Variants in FGF18 observed in about 807,000 individuals in gnomAD.
FGF18 encodes fibroblast growth factor 18.
Under a neutral mutation model 23.0 loss-of-function variants are expected in FGF18, and 5 were observed. The ratio of observed to expected loss-of-function variants is 0.22; its 90% CI spans 0.11 to 0.46. FGF18 has a LOEUF of 0.46. Among genes scored for constraint, FGF18 ranks in the 20% least tolerant of loss-of-function variants. FGF18 has a pLI of 0.99. For missense variants in FGF18, 180 were observed against 291.6 expected, an observed-to-expected ratio of 0.62 and a Z score of 2.79; for synonymous variants, 117 against 118.9, an observed-to-expected ratio of 0.98 and a Z score of 0.10.
chr5:171,456,956 T>G lies in FGF18; in HGVS notation c.*151T>G. The stretch of plus-strand genomic sequence containing the variant: ...AAGACAAAAACTGAACCAAAACTCT[T>G]GGGGGGAGGGGTGATAAGGATTTTA... On this transcript the variant is annotated 3_prime_UTR_variant, in exon 5 of 5. Transcript: ENST00000274625. The surrounding 1 kb of genome is among the most constrained non-coding windows in gnomAD (Gnocchi z 6.1). 1.0e-6 allele frequency: 1 copy of G among 976,690 alleles called. No homozygotes were observed. The highest frequency in any genetic ancestry group is 1.5e-6 in the Non-Finnish European group (1 of 681,916). The allele number at this position is 976,690 out of a possible 1,614,324, so 60.5% of individuals were successfully genotyped here. A position where few individuals can be genotyped will look rare whatever the true frequency, so the allele number is the denominator to read the frequency against.
At chr5:171,442,071 C>G (rs1772354314) in intron 3 of FGF18, among the ~76,000 whole-genome samples, 1 of 152,168 alleles carries the variant, frequency 6.6e-6, no homozygotes, top group African/African-American at 2.4e-5. Flanking sequence ...TCATGTCCCA[C>G]AACTTCTGTC....
intron 2 of FGF18, 136 bp downstream of exon 2, chr5:171,420,579 C>G: frequency 1.2e-6 from 1 of 832,424 alleles, no homozygotes; most frequent in Non-Finnish European, 1.9e-6. Flanking sequence ...TCCCAGGGCG[C>G]GGAAGGGCGG....
At chr5:171,431,166 G>A (rs889142866) in intron 2 of FGF18, among the ~76,000 whole-genome samples, 3 of 152,216 alleles carry the variant, frequency 2.0e-5, no homozygotes, top group Admixed American at 6.5e-5. Flanking sequence ...GGATGCTCTG[G>A]TGTGAGGTGG....
chr5:171,444,168 C>T (rs965448003), intron 3 of FGF18, among the ~76,000 whole-genome samples: 5 of 152,186 alleles, frequency 3.3e-5, no homozygotes, highest in African/African-American at 7.2e-5. Flanking sequence ...TCCCCATCCA[C>T]TAACTTCTGC....
At chr5:171,422,483 G>A (rs930548587) in intron 2 of FGF18, among the ~76,000 whole-genome samples, 3 of 152,144 alleles carry the variant, frequency 2.0e-5, no homozygotes, top group Non-Finnish European at 2.9e-5. Flanking sequence ...CACAAAAATG[G>A]TGCTCAAATG....
chr5:171,436,051 G>C lies in FGF18; in HGVS notation c.70-42G>C. On this transcript the variant is annotated intron_variant, in intron 2 of 4. Transcript: ENST00000274625. The surrounding 1 kb of genome is among the most constrained non-coding windows in gnomAD (Gnocchi z 4.4). ...GCTGGCTCCTGCATGCAGTGGGCCTGGGACATCTGGGGTGGCTTACTGTGT... is the reference window on the plus strand; with the variant it reads ...GCTGGCTCCTGCATGCAGTGGGCCTCGGACATCTGGGGTGGCTTACTGTGT... 1.4e-6 allele frequency: 2 copies of C among 1,445,378 alleles called. No individual in the cohort carries two copies. Among genetic ancestry groups the C allele is most frequent in the Non-Finnish European group, 1.8e-6 (2 of 1,089,636 alleles). 89.5% of individuals were successfully genotyped at this position (1,445,378 alleles called of 1,614,324 possible).
At chr5:171,432,839 C>T (rs1376531304) in intron 2 of FGF18, among the ~76,000 whole-genome samples, 1 of 152,218 alleles carries the variant, frequency 6.6e-6, no homozygotes, top group Non-Finnish European at 1.5e-5. Flanking sequence ...TCCAGATTTC[C>T]CTCACTTTTG....
rs1771982655 is a variant in FGF18 at position 171,420,247 on chromosome 5, C to G, written c.32+16C>G. 1 of 1,585,762 alleles carries G rather than the reference C, an allele frequency of 6.3e-7. No individual in the cohort carries two copies. The highest frequency in any genetic ancestry group is 8.6e-7 in the Non-Finnish European group (1 of 1,168,624). On this transcript the variant is annotated intron_variant, in intron 1 of 4. Transcript: ENST00000274625. ...GCACTTGCCTGTAAGCGCCCGCGCG[C>G]GGGGCTGCCCACCTTGCCTGGCTGT...
intron 4 of FGF18, among the ~76,000 whole-genome samples, chr5:171,455,254 C>T (rs529956080): frequency 1.2e-4 from 18 of 152,338 alleles, no homozygotes; most frequent in Admixed American, 6.5e-4. Flanking sequence ...CCACAACCGA[C>T]GGCACAGTTT....
chr5:171,423,291 A>T lies in FGF18; in HGVS notation c.69+2848A>T, dbSNP rs199643352. On this transcript the variant is annotated intron_variant, in intron 2 of 4. Transcript: ENST00000274625. The stretch of plus-strand genomic sequence containing the variant: ...CTCCACACGACTCAGGACACCGTAG[A>T]TAGCTCAAATTGGAAGAATTTTAAA... 2.6e-5 allele frequency among the ~76,000 whole-genome samples: 4 copies of T among 152,366 alleles called. No homozygotes were observed. In the East Asian group the frequency reaches 7.7e-4, roughly 29 times the overall value.
chr5:171,442,080 T>C (rs1225780931), intron 3 of FGF18, among the ~76,000 whole-genome samples: 1 of 151,948 alleles, frequency 6.6e-6, no homozygotes, highest in African/African-American at 2.4e-5. Flanking sequence ...ACAACTTCTG[T>C]CCCCAGGGAG....
intron 2 of FGF18, among the ~76,000 whole-genome samples, chr5:171,424,630 G>A (rs912935415): frequency 5.9e-5 from 9 of 152,192 alleles, no homozygotes; most frequent in Non-Finnish European, 1.0e-4. Context: ...AGACATGCTA[G>A]GGATCTGCAG....
intron 3 of FGF18, among the ~76,000 whole-genome samples, chr5:171,437,714 G>C (rs998128453): frequency 6.6e-6 from 1 of 152,202 alleles, no homozygotes; most frequent in South Asian, 2.1e-4. Flanking sequence ...GCTGACCCAG[G>C]TGGTGGTTTT....
chr5:171,446,391 G>T (rs73803349), intron 3 of FGF18, among the ~76,000 whole-genome samples: 4,044 of 152,290 alleles, frequency 0.027, 173 homozygotes, highest in African/African-American at 0.093. Flanking sequence ...TGGAGCCCAG[G>T]CCCCAGTAGA....
intron 2 of FGF18, among the ~76,000 whole-genome samples, chr5:171,421,158 C>T (rs182551063): frequency 6.6e-6 from 1 of 152,278 alleles, no homozygotes; most frequent in Admixed American, 6.5e-5. Context: ...TCTGTTACTT[C>T]AGCAGCTTTC....
chr5:171,426,609 T>C (rs1164227778), intron 2 of FGF18, among the ~76,000 whole-genome samples: 1 of 152,244 alleles, frequency 6.6e-6, no homozygotes, highest in African/African-American at 2.4e-5. Flanking sequence ...AAAATGCTGT[T>C]GTGCCAAGGA....
intron 4 of FGF18, among the ~76,000 whole-genome samples, chr5:171,453,393 G>C (rs187206949): frequency 6.6e-6 from 1 of 152,198 alleles, no homozygotes; most frequent in African/African-American, 2.4e-5. Context: ...CATTGAGCCC[G>C]CGTGACTGGC....
At position 171,456,024 on chromosome 5, in the gene FGF18, G is replaced by T. The variant is rs1772574700; in HGVS notation, c.358-515G>T. On this transcript the variant is annotated intron_variant, in intron 4 of 4. Coordinates refer to ENST00000274625, the MANE Select transcript of FGF18 (RefSeq NM_003862.3). The surrounding 1 kb of genome is among the most constrained non-coding windows in gnomAD (Gnocchi z 6.1). ...TATGCTGCCCCAGCCACAGCCTCCTGCCCATGCCCCTTGTACCTGCTGTCT... is the reference window on the plus strand; with the variant it reads ...TATGCTGCCCCAGCCACAGCCTCCTTCCCATGCCCCTTGTACCTGCTGTCT... Among the ~76,000 whole-genome samples the T allele has an allele frequency of 6.6e-6, 1 of 152,158 alleles. No individual in the cohort carries two copies. The highest frequency in any genetic ancestry group is 1.5e-5 in the Non-Finnish European group (1 of 68,036).
At chr5:171,437,917 G>A (rs748024735) in intron 3 of FGF18, among the ~76,000 whole-genome samples, 22 of 152,046 alleles carry the variant, frequency 1.4e-4, no homozygotes, top group Non-Finnish European at 2.9e-4. Context: ...AGGGAGGGGA[G>A]CCTGGAAATG....
Sources: allele counts gnomAD v4.1 joint callset (sites outside exome capture counted in the v4.1 genomes callset), GRCh38; gene constraint gnomAD v4.1.1; non-coding constraint Gnocchi (gnomAD v3.1); transcripts MANE v1.5; gene names NCBI Gene and HGNC (gene_info 2026-07-23, HGNC 2026-07-21).